Variants in TRDN observed in about 807,000 individuals in gnomAD.
TRDN encodes the protein triadin in skeletal muscle.
TRDN carries 161 observed loss-of-function variants against 149.7 expected under a neutral mutation model. The observed-to-expected ratio is 1.08, with a 90% CI of 0.95 to 1.23. TRDN has a LOEUF of 1.23. Among genes scored for constraint, TRDN ranks in the 50% most tolerant of loss-of-function variants. The pLI is 0.00. For synonymous variants in TRDN, 294 were observed against 250.5 expected, an observed-to-expected ratio of 1.17 and a Z score of -1.64; for missense variants, 896 against 823.5, an observed-to-expected ratio of 1.09 and a Z score of -1.08.
intron 23 of TRDN, among the ~76,000 whole-genome samples, chr6:123,317,437 T>C (rs1200036518): frequency 1.3e-5 from 2 of 151,940 alleles, no homozygotes; most frequent in South Asian, 2.1e-4. Context: ...TCTGTAGTTA[T>C]AATTTTAAAA....
chr6:123,535,916 T>A (rs544952359), intron 4 of TRDN, among the ~76,000 whole-genome samples: 53 of 152,266 alleles, frequency 3.5e-4, no homozygotes, highest in African/African-American at 1.3e-3. Context: ...TTAAAAGATC[T>A]ATACAAAAAT....
At chr6:123,433,162 A>ATATATATGTAAT (rs796874348) in intron 12 of TRDN, among the ~76,000 whole-genome samples, 1 of 80,034 alleles carries the variant, frequency 1.2e-5, no homozygotes, top group Non-Finnish European at 2.5e-5. Flanking sequence ...ATATATATAT[A>ATATATATGTAAT]ATATATATAT....
chr6:123,538,259 A>G (rs760783385), intron 4 of TRDN, among the ~76,000 whole-genome samples: 1 of 152,192 alleles, frequency 6.6e-6, no homozygotes, highest in South Asian at 2.1e-4. Flanking sequence ...TCACTTAAAC[A>G]TAGAATCTTT....
chr6:123,546,009 G>C (rs1290732233), intron 4 of TRDN, among the ~76,000 whole-genome samples: 3 of 152,150 alleles, frequency 2.0e-5, no homozygotes, highest in Non-Finnish European at 1.5e-5. Context: ...TTATTTATCT[G>C]TTTTCCCTTC....
intron 12 of TRDN, among the ~76,000 whole-genome samples, chr6:123,427,274 C>T (rs1774162317): frequency 1.3e-5 from 2 of 150,358 alleles, no homozygotes; most frequent in African/African-American, 4.9e-5. Flanking sequence ...CTTGACCACG[C>T]CTTTTGTTTT....
intron 24 of TRDN, among the ~76,000 whole-genome samples, chr6:123,316,074 A>C (rs985840475): frequency 1.3e-5 from 2 of 151,874 alleles, no homozygotes; most frequent in South Asian, 4.1e-4. Context: ...ATAAAACTCA[A>C]TCCATGATAA....
intron 12 of TRDN, among the ~76,000 whole-genome samples, chr6:123,412,917 A>C (rs1266679988): frequency 1.3e-5 from 2 of 152,172 alleles, no homozygotes; most frequent in African/African-American, 4.8e-5. Flanking sequence ...TTAGACCTTG[A>C]CAGCTTCCAG....
intron 9 of TRDN, among the ~76,000 whole-genome samples, chr6:123,495,854 A>T (rs1220846356): frequency 6.6e-6 from 1 of 151,978 alleles, no homozygotes; most frequent in African/African-American, 2.4e-5. Context: ...TAAATGTAAG[A>T]ACACTAAAAA....
chr6:123,282,186 T>C (rs1301858578), intron 24 of TRDN, among the ~76,000 whole-genome samples: 1 of 151,956 alleles, frequency 6.6e-6, no homozygotes, highest in African/African-American at 2.4e-5. Flanking sequence ...TCAGAATTTA[T>C]ATATGTATCA....
Position 123,224,142 on chromosome 6 carries a change from G to A in TRDN, c.1976-11C>T. On this transcript the variant is annotated splice_polypyrimidine_tract_variant and intron_variant, in intron 38 of 40. Transcript: ENST00000334268. ...CATCTTCAACATCTTCTAGAGTACA[G>A]AAAAAAGGCACATAGAATCACAGTC... 1.2e-6 allele frequency: 2 copies of A among 1,609,090 alleles called. No homozygotes were observed. Among genetic ancestry groups the A allele is most frequent in the Non-Finnish European group, 1.7e-6 (2 of 1,177,172 alleles).
chr6:123,244,118 T>C (rs1003933040), intron 38 of TRDN, among the ~76,000 whole-genome samples: 1 of 152,118 alleles, frequency 6.6e-6, no homozygotes, highest in African/African-American at 2.4e-5. Context: ...CAAAGTTAGA[T>C]AAATCCACGA....
intron 1 of TRDN, among the ~76,000 whole-genome samples, chr6:123,605,406 G>A (rs1202115228): frequency 6.6e-6 from 1 of 151,554 alleles, no homozygotes; most frequent in Non-Finnish European, 1.5e-5. Flanking sequence ...TTAGAAGAAA[G>A]CCTGAAATAA....
At chr6:123,240,289 G>A in intron 38 of TRDN, among the ~76,000 whole-genome samples, 1 of 151,614 alleles carries the variant, frequency 6.6e-6, no homozygotes, top group Admixed American at 6.6e-5. Flanking sequence ...ATTAGTAAGA[G>A]GGATAGGAAA....
At chr6:123,538,193 T>C (rs2114382464) in intron 4 of TRDN, among the ~76,000 whole-genome samples, 1 of 152,244 alleles carries the variant, frequency 6.6e-6, no homozygotes, top group South Asian at 2.1e-4. Context: ...CCAGATAAAA[T>C]AAAATGCCTT....
intron 1 of TRDN, among the ~76,000 whole-genome samples, chr6:123,590,362 C>T (rs1230878639): frequency 1.3e-5 from 2 of 152,148 alleles, no homozygotes; most frequent in Admixed American, 6.5e-5. Context: ...TGTCTCCAAT[C>T]GCCCCCAGGT....
At chr6:123,310,147 G>A (rs1778764102) in intron 24 of TRDN, among the ~76,000 whole-genome samples, 1 of 151,980 alleles carries the variant, frequency 6.6e-6, no homozygotes, top group Admixed American at 6.6e-5. Flanking sequence ...TCAGTAAAAG[G>A]TGATTTTTTT....
rs1245170587 is a variant in TRDN, at chr6:123,548,454, C to G, written c.391G>C (p.Gly131Arg). ...AGATATATCTCTATGTTCTTTGTAC[C>G]TTTATCAGTATCTTCGTCACCATCA... ...DDDGDEDTDK[G>R]EIDEPPLRKK... Residue 131 changes from glycine (G) to arginine (R), a missense_variant and splice_region_variant, in exon 3 of 41, where the codon GGA becomes CGA. Physicochemically the swap from Gly to Arg is moderately radical, Grantham distance 125 (BLOSUM62 -2). Coordinates refer to ENST00000334268, the MANE Select transcript of TRDN (RefSeq NM_006073.4). 1 of 1,553,296 alleles carries G rather than the reference C, an allele frequency of 6.4e-7. No individual in the cohort carries two copies. Among genetic ancestry groups the G allele is most frequent in the Non-Finnish European group, 8.7e-7 (1 of 1,151,360 alleles).
intron 4 of TRDN, among the ~76,000 whole-genome samples, chr6:123,545,633 G>A (rs190747636): frequency 2.4e-4 from 37 of 151,928 alleles, no homozygotes; most frequent in Non-Finnish European, 2.4e-4. Context: ...TCCTAATTCT[G>A]AGTATGTAAT....
intron 1 of TRDN, among the ~76,000 whole-genome samples, chr6:123,598,303 A>C (rs1439057261): frequency 6.6e-6 from 1 of 152,130 alleles, no homozygotes; most frequent in African/African-American, 2.4e-5. Context: ...TCCTAAGTGC[A>C]ATAGACACGC....
Sources: allele counts gnomAD v4.1 joint callset (sites outside exome capture counted in the v4.1 genomes callset), GRCh38; gene constraint gnomAD v4.1.1; transcripts MANE v1.5; gene names NCBI Gene and HGNC (gene_info 2026-07-23, HGNC 2026-07-21).